Variants in PUDP observed in about 807,000 individuals in gnomAD.
PUDP encodes the protein pseudouridine-5'-phosphatase.
Under a neutral mutation model 9.4 loss-of-function variants are expected in PUDP, and 8 were observed. The ratio of observed to expected loss-of-function variants is 0.85; its 90% CI spans 0.50 to 1.53. The LOEUF is 1.53. Among genes scored for constraint, PUDP ranks in the 40% most tolerant of loss-of-function variants. PUDP has a pLI of 0.00. For synonymous variants in PUDP, 99 were observed against 80.7 expected (o/e 1.23, Z -1.22); for missense variants, 188 against 189.7 (o/e 0.99, Z 0.05).
At chrX:6,898,666 G>A (rs1927627874) in intron 3 of PUDP, among the ~76,000 whole-genome samples, 1 of 112,448 alleles carries the variant, frequency 8.9e-6, no homozygotes, top group South Asian at 3.7e-4. Context: ...AACAGCCACA[G>A]GCGACACAGA....
intron 3 of PUDP, among the ~76,000 whole-genome samples, chrX:6,893,496 C>A (rs1435801045): frequency 3.6e-5 from 4 of 111,443 alleles, no homozygotes; most frequent in Non-Finnish European, 7.5e-5. Flanking sequence ...CACAAGGGAC[C>A]ATTATGAGTC....
intron 2 of PUDP, among the ~76,000 whole-genome samples, chrX:7,095,656 G>T (rs942386605): frequency 3.6e-5 from 4 of 112,300 alleles, no homozygotes; most frequent in Admixed American, 9.4e-5. Context: ...ACACAAATGG[G>T]TCCCTCTTCT....
At chrX:6,894,895 T>C (rs886972270) in intron 3 of PUDP, among the ~76,000 whole-genome samples, 3 of 111,766 alleles carry the variant, frequency 2.7e-5, no homozygotes, top group Non-Finnish European at 3.8e-5. Context: ...CAAAATTAAA[T>C]GATGCTTTCC....
chrX:6,955,860 C>T (rs1014625118), intron 3 of PUDP, among the ~76,000 whole-genome samples: 2 of 100,054 alleles, frequency 2.0e-5, no homozygotes, highest in Non-Finnish European at 4.2e-5. Context: ...GTATATTACC[C>T]CTGAACAATA....
chrX:6,949,613 C>A (rs1206659815), intron 3 of PUDP, among the ~76,000 whole-genome samples: 4 of 112,601 alleles, frequency 3.6e-5, no homozygotes, highest in Admixed American at 1.9e-4. Context: ...AATGTTCTTT[C>A]TTTTTCTGTT....
At position 6,757,174 on chromosome X, in the gene PUDP, T is replaced by C. The variant is rs767616848; in HGVS notation, c.*248-50708A>G. Among the ~76,000 whole-genome samples, 27 of 111,736 alleles carry C rather than the reference T, an allele frequency of 2.4e-4. No individual in the cohort carries two copies. The Middle Eastern group carries it at 0.023, about 97-fold the overall frequency. ...GGCAGGATTGCTGGTGGCATTGGGT[T>C]CATGTAAATTGGAAGTAGATAGAGC... On this transcript the variant is annotated intron_variant and NMD_transcript_variant, in intron 3 of 3. Coordinates refer to the PUDP transcript ENST00000655425.
intron 3 of PUDP, among the ~76,000 whole-genome samples, chrX:6,951,318 C>T (rs1928556728): frequency 9.1e-6 from 1 of 109,856 alleles, no homozygotes; most frequent in African/African-American, 3.3e-5. Context: ...ATTATATCTA[C>T]CCATCCATCA....
chrX:6,893,939 T>C (rs1337693701), intron 3 of PUDP, among the ~76,000 whole-genome samples: 1 of 111,804 alleles, frequency 8.9e-6, no homozygotes, highest in East Asian at 2.8e-4. Context: ...CGAGATCATG[T>C]CCTTTGCAGC....
chrX:6,722,047 C>T (rs745950908), upstream of PUDP, among the ~76,000 whole-genome samples: 50 of 110,053 alleles, frequency 4.5e-4, no homozygotes, highest in Non-Finnish European at 7.2e-4. Context: ...GGGAAAGGAA[C>T]AGGCTAGTCA....
intron 3 of PUDP, among the ~76,000 whole-genome samples, chrX:6,939,884 GA>G (rs1362753451): frequency 9.1e-6 from 1 of 110,196 alleles, no homozygotes; most frequent in Non-Finnish European, 1.9e-5. Context: ...GAAGAGAAAA[GA>G]AAAAAGAATT....
chrX:6,897,772 C>T (rs954090445), intron 3 of PUDP, among the ~76,000 whole-genome samples: 3 of 111,292 alleles, frequency 2.7e-5, no homozygotes, highest in South Asian at 3.9e-4. Context: ...ACCGTGTCTT[C>T]GCATGGTGGG....
intron 1 of PUDP, among the ~76,000 whole-genome samples, chrX:6,713,419 T>C (rs1924557018): frequency 8.9e-6 from 1 of 111,771 alleles, no homozygotes; most frequent in African/African-American, 3.3e-5. Context: ...TCACTTTCAG[T>C]ATAATACTGA....
intron 1 of PUDP, among the ~76,000 whole-genome samples, chrX:7,106,122 G>A (rs1246488943): frequency 2.7e-5 from 3 of 112,561 alleles, no homozygotes; most frequent in African/African-American, 6.5e-5. Context: ...TTAAATGTAC[G>A]TATTTGAATC....
chrX:6,934,174 T>C (rs2146772024), intron 3 of PUDP, among the ~76,000 whole-genome samples: 1 of 105,810 alleles, frequency 9.5e-6, no homozygotes, highest in Non-Finnish European at 1.9e-5. Flanking sequence ...CCAAGACACA[T>C]AATTGTCAGA....
At chrX:6,961,168 G>A (rs1051375975) in intron 3 of PUDP, among the ~76,000 whole-genome samples, 2 of 111,481 alleles carry the variant, frequency 1.8e-5, no homozygotes. Flanking sequence ...GGGAGGACGA[G>A]GTAGGTGGAT....
At chrX:6,746,167 C>T in intron 3 of PUDP, among the ~76,000 whole-genome samples, 1 of 112,263 alleles carries the variant, frequency 8.9e-6, no homozygotes, top group South Asian at 3.7e-4. Flanking sequence ...TCTTCCTATG[C>T]AACTCCAACA....
intron 3 of PUDP, among the ~76,000 whole-genome samples, chrX:6,769,075 A>G (rs974810479): frequency 2.7e-5 from 3 of 111,816 alleles, no homozygotes; most frequent in Admixed American, 9.5e-5. Flanking sequence ...CACTTCTAAG[A>G]ATGGATCTTG....
intron 3 of PUDP, among the ~76,000 whole-genome samples, chrX:6,815,512 T>A (rs931977722): frequency 8.9e-6 from 1 of 111,786 alleles, no homozygotes; most frequent in Admixed American, 9.6e-5. Flanking sequence ...GATAAAGAAT[T>A]TGTCAAAAAA....
At chrX:6,904,066 C>T (rs1927732128) in intron 3 of PUDP, among the ~76,000 whole-genome samples, 1 of 108,332 alleles carries the variant, frequency 9.2e-6, no homozygotes, top group Non-Finnish European at 1.9e-5. Flanking sequence ...ATTCTCCTGC[C>T]TCAGCCTCCC....
Sources: allele counts gnomAD v4.1 joint callset (sites outside exome capture counted in the v4.1 genomes callset), GRCh38; gene constraint gnomAD v4.1.1; transcripts MANE v1.5; gene names NCBI Gene and HGNC (gene_info 2026-07-23, HGNC 2026-07-21).